The following FN1 variants were observed in gnomAD, a reference collection of about 807,000 sequenced individuals.
The protein encoded by FN1 is fibronectin.
A neutral mutation model predicts 297.3 loss-of-function variants in FN1; 106 were observed. The ratio of observed to expected loss-of-function variants is 0.36; its 90% confidence interval spans 0.30 to 0.42. FN1 has a LOEUF of 0.42. Among genes scored for constraint, FN1 ranks in the 10% least tolerant of loss-of-function variants. The probability of loss-of-function intolerance (pLI) is 1.00; values close to 1 mark genes in which losing one functional copy is unlikely to be tolerated. For synonymous variants in FN1, 1,149 were observed against 1,152.6 expected (o/e 1.00, Z 0.06); for missense variants, 2,690 against 3,124.9 (o/e 0.86, Z 3.32).
intron 26 of FN1, 63 bp from the exon 27 acceptor site, chr2:215,388,364 C>G: frequency 1.7e-6 from 2 of 1,154,478 alleles, no homozygotes; most frequent in South Asian, 1.2e-5. Context: ...CTAAAGCACG[C>G]CCAGGACTAT....
intron 42 of FN1, among the ~76,000 whole-genome samples, chr2:215,365,966 A>ATTTTTTTTTTTTTTTTTTTTTTTTTT (rs559516647): frequency 3.3e-5 from 3 of 90,354 alleles, no homozygotes; most frequent in Admixed American, 1.4e-4. Context: ...CCACAGTGCT[A>ATTTTTTTTTTTTTTTTTTTTTTTTTT]TTTTTTTTTT....
At chr2:215,431,765 T>C in intron 4 of FN1, 68 bp downstream of exon 4, 1 of 1,537,434 alleles carries the variant, frequency 6.5e-7, no homozygotes, top group African/African-American at 1.4e-5. Flanking sequence ...TATGTAGATG[T>C]GATTCTGGTC....
In FN1 at chr2:215,370,611, G is replaced by C. The variant is rs541066533; in HGVS notation, c.6715-179C>G. 1.5e-4 allele frequency: 92 copies of C among 617,004 alleles called. No homozygotes were observed. In the African/African-American group the frequency reaches 1.6e-3, roughly 11 times the overall value. 38.2% of individuals were successfully genotyped at this position (617,004 alleles called of 1,614,324 possible). Reference sequence around the variant, plus strand: ...TCCTAACCAGCTGAGGAGAGAAATGGAACAAGGATAGGGGCCATCGTTCCT... The same window carrying C: ...TCCTAACCAGCTGAGGAGAGAAATGCAACAAGGATAGGGGCCATCGTTCCT... On this transcript the variant is annotated intron_variant, in intron 40 of 45. Transcript: ENST00000354785.
intron 6 of FN1, 124 bp downstream of exon 6, chr2:215,428,056 C>T: frequency 8.5e-7 from 1 of 1,176,334 alleles, no homozygotes; most frequent in Non-Finnish European, 1.3e-6. Context: ...TGTAAATTAT[C>T]TTAGGTTATT....
chr2:215,425,067 C>A, intron 7 of FN1, 27 bp downstream of exon 7: 1 of 1,596,978 alleles, frequency 6.3e-7, no homozygotes. Flanking sequence ...AGTCATCAGT[C>A]CTATTCTTCA....
rs5838511 is a variant in FN1, at chr2:215,410,130, A to AACAC, written c.1942-20_1942-17dup. The AACAC allele has an allele frequency of 0.04, 56,233 of 1,419,666 alleles. 509 individuals carry two copies. Among genetic ancestry groups the AACAC allele is most frequent in the African/African-American group, 0.095 (6,727 of 71,178 alleles). The allele number at this position is 1,419,666 out of a possible 1,614,324, so 87.9% of individuals were successfully genotyped here. On this transcript the variant is annotated splice_polypyrimidine_tract_variant and intron_variant, in intron 13 of 45. Coordinates refer to ENST00000354785, the MANE Select transcript of FN1 (RefSeq NM_212482.4). ...CAGAATTTTTCTGAAAATTTAAATT[A>AACAC]ACACACACACACACACACACACGTG... is the stretch of plus-strand genomic sequence containing the variant.
chr2:215,386,800 G>A lies in FN1; in HGVS notation c.4501C>T (p.Arg1501Trp), dbSNP rs868144707. The change falls in exon 28 of 46, where the codon CGG becomes TGG. Residue 1501 changes from arginine to tryptophan, a missense_variant. Around this residue, in one of 3 missense-constraint regions of FN1, gnomAD observed 1,743 missense variants for 1,945.2 expected, o/e 0.90. Coordinates refer to ENST00000354785, the MANE Select transcript of FN1 (RefSeq NM_212482.4). Reference protein sequence around the residue: ...RPREDRVPHSRNSITLTNLTP... With the variant: ...RPREDRVPHSWNSITLTNLTP... ...AGGTTGGTGAGGGTGATGGAATTCCGAGAGTGGGGCACCCGATCTTCTCGA... is the reference window on the plus strand; with the variant it reads ...AGGTTGGTGAGGGTGATGGAATTCCAAGAGTGGGGCACCCGATCTTCTCGA... 3.7e-6 allele frequency: 6 copies of A among 1,613,922 alleles called. No homozygotes were observed. In the East Asian group the frequency reaches 6.7e-5, roughly 18 times the overall value.
At chr2:215,426,898 T>TG (rs1461423397) in intron 6 of FN1, among the ~76,000 whole-genome samples, 3 of 152,020 alleles carry the variant, frequency 2.0e-5, no homozygotes, top group Non-Finnish European at 2.9e-5. Context: ...TTTTTTGAGA[T>TG]GGGGTCTCGC....
rs1251900644 is a variant in FN1 at position 215,404,432 on chromosome 2, C to G, written c.3210G>C (p.Lys1070Asn). The change falls in exon 20 of 46, where the codon AAG (lysine) becomes AAC (asparagine). Residue 1070 changes from lysine (K) to asparagine (N), a missense_variant. By Grantham distance (94) the Lys-to-Asn change is moderately conservative. This residue lies in a region of FN1 where 1,743 missense variants were observed against 1,945.2 expected (regional missense o/e 0.90). Coordinates refer to ENST00000354785, the MANE Select transcript of FN1 (RefSeq NM_212482.4). Reference sequence around the variant, plus strand: ...TGGCTTTGGGGCTCTCTTGGTTGCCCTTTATGGCCACGAGGGATACGGTGT... The same window carrying G: ...TGGCTTTGGGGCTCTCTTGGTTGCCGTTTATGGCCACGAGGGATACGGTGT... ...SEYTVSLVAI[K>N]GNQESPKATG... The G allele has an allele frequency of 6.2e-7, 1 of 1,614,046 alleles. No homozygotes were observed.
Position 215,378,191 on chromosome 2 carries a change from A to T in FN1, c.5694T>A (p.Val1898=). Residue 1898 remains valine, a synonymous_variant, in exon 35 of 46, where the codon GTT becomes GTA. Transcript: ENST00000354785. The part of the protein sequence containing the change: ...DTLTSRPAQG[V]VTTLENVSPP... ...GTTACTTACTCTCCAGAGTGGTGAC[A>T]ACTCCCTGAGCTGGTCTGCTTGTCA... 6.2e-7 allele frequency: 1 copy of T among 1,604,764 alleles called. No homozygotes were observed. Among genetic ancestry groups the T allele is most frequent in the Non-Finnish European group, 8.5e-7 (1 of 1,171,802 alleles).
chr2:215,388,316 G>T lies in FN1; in HGVS notation c.4253-15C>A, dbSNP rs1250215. ...AGGCAGGAGATCTGTAGGGGCAAAT[G>T]GGGCTTATTTTAAAACTCTGCTCAA... On this transcript the variant is annotated splice_polypyrimidine_tract_variant and intron_variant, in intron 26 of 45. Transcript: ENST00000354785. 2 of 1,592,552 alleles carry T rather than the reference G, an allele frequency of 1.3e-6. No homozygotes were observed. The highest frequency in any genetic ancestry group is 1.1e-5 in the South Asian group (1 of 90,650).
In FN1 at chr2:215,408,169, C is replaced by T. The variant is rs2062049866; in HGVS notation, c.2457G>A (p.Val819=). The T allele has an allele frequency of 2.5e-6, 4 of 1,613,918 alleles. No individual in the cohort carries two copies. The highest frequency in any genetic ancestry group is 1.3e-5 in the African/African-American group (1 of 74,868). ...TAPDAPPDTT[V]DQVDDTSIVV... ...CAATTGAGGTGTCATCAACTTGGTC[C>T]ACAGTCGTGTCAGGAGGGGCATCAG... Residue 819 remains valine, a synonymous_variant, in exon 17 of 46, where the codon GTG becomes GTA. Coordinates refer to ENST00000354785, the MANE Select transcript of FN1 (RefSeq NM_212482.4).
At chr2:215,414,109 A>T (rs1291551584) in intron 13 of FN1, among the ~76,000 whole-genome samples, 1 of 152,238 alleles carries the variant, frequency 6.6e-6, no homozygotes, top group South Asian at 2.1e-4. Context: ...TTTAAAATGG[A>T]CATTTTTTTC....
chr2:215,387,634 G>A (rs1215727946), intron 27 of FN1, among the ~76,000 whole-genome samples: 1 of 152,142 alleles, frequency 6.6e-6, no homozygotes, highest in Non-Finnish European at 1.5e-5. Flanking sequence ...TTCAGTTACA[G>A]CATTTACTAG....
At chr2:215,415,212 T>A (rs550781254) in intron 12 of FN1, among the ~76,000 whole-genome samples, 17 of 136,788 alleles carry the variant, frequency 1.2e-4, no homozygotes, top group East Asian at 1.3e-3. Context: ...AATATATTTT[T>A]AAAAAAAAGT....
At position 215,407,229 on chromosome 2, in the gene FN1, G is replaced by C. The variant is rs1253568512; in HGVS notation, c.2611C>G (p.Gln871Glu). Residue 871 changes from glutamine (Q) to glutamate (E), a missense_variant, in exon 18 of 46, where the codon CAA becomes GAA. Physicochemically the swap from Gln to Glu is conservative, Grantham distance 29. Around this residue, in one of 3 missense-constraint regions of FN1, gnomAD observed 71 missense variants for 121.7 expected, o/e 0.58. Transcript: ENST00000354785. The part of the protein sequence containing the change: ...TANSVTLSDL[Q>E]PGVQYNITIY... ...GTGATGTTATACTGAACACCAGGTT[G>C]CAAGTCACTGAGGGTGACGGAGTTT... The C allele has an allele frequency of 1.2e-6, 2 of 1,613,602 alleles. No individual in the cohort carries two copies. Among genetic ancestry groups the C allele is most frequent in the Non-Finnish European group, 1.7e-6 (2 of 1,179,614 alleles).
intron 20 of FN1, among the ~76,000 whole-genome samples, chr2:215,399,886 C>CT (rs1248928859): frequency 1.3e-5 from 2 of 152,216 alleles, no homozygotes; most frequent in African/African-American, 4.8e-5. Context: ...AGAAGGTGAT[C>CT]TAAAAACAGC....
At chr2:215,393,401 G>T in intron 24 of FN1, 198 bp from the exon 25 acceptor site, 1 of 425,522 alleles carries the variant, frequency 2.4e-6, no homozygotes, top group Non-Finnish European at 4.1e-6. Flanking sequence ...TTCCCTAGAA[G>T]AATAAACAGG....
Position 215,399,258 on chromosome 2 carries a change from T to C in FN1, c.3347A>G (p.Lys1116Arg), listed in dbSNP as rs1388442820. The change falls in exon 21 of 46, where the codon AAG becomes AGG. Residue 1116 changes from lysine to arginine, a missense_variant and splice_region_variant. Lys to Arg is a conservative substitution (Grantham distance 26). Transcript: ENST00000354785. ...AGATTAGGAACATCTGCAGTTTACC[T>C]TAAAACCAATTCTTGGAGCAGGCGT... ...TWTPAPRIGF[K>R]LGVRPSQGGE... The C allele has an allele frequency of 3.1e-6, 5 of 1,610,882 alleles. No individual in the cohort carries two copies. The highest frequency in any genetic ancestry group is 4.2e-6 in the Non-Finnish European group (5 of 1,177,230).
Sources: allele counts gnomAD v4.1 joint callset (sites outside exome capture counted in the v4.1 genomes callset), GRCh38; gene constraint gnomAD v4.1.1; regional missense constraint gnomAD v4.1.1; transcripts MANE v1.5; gene names NCBI Gene and HGNC (gene_info 2026-07-23, HGNC 2026-07-21).